AP3S1: variants seen among roughly 807,000 people sequenced by gnomAD.
AP3S1 encodes adaptor related protein complex 3 subunit sigma 1.
A neutral mutation model predicts 21.3 loss-of-function variants in AP3S1; 12 were observed. The observed-to-expected ratio is 0.56, with a 90% confidence interval of 0.36 to 0.91. The LOEUF is 0.91. AP3S1 is among the 40% of genes least tolerant of loss of function. AP3S1 has a pLI of 0.01. For synonymous variants in AP3S1, 48 were observed against 78.4 expected (o/e 0.61, Z 2.05); for missense variants, 116 against 225.0 (o/e 0.52, Z 3.10).
intron 1 of AP3S1, among the ~76,000 whole-genome samples, chr5:115,854,718 C>A (rs1358465297): frequency 1.4e-5 from 2 of 146,558 alleles, no homozygotes; most frequent in Non-Finnish European, 3.0e-5. Context: ...TATTATTATT[C>A]TTCATATATT....
chr5:115,869,500 C>G (rs1748029084), intron 2 of AP3S1, among the ~76,000 whole-genome samples: 1 of 152,148 alleles, frequency 6.6e-6, no homozygotes, highest in Non-Finnish European at 1.5e-5. Context: ...CTTCCCTGAA[C>G]ATACATACTT....
At chr5:115,884,777 A>AT (rs1315011535) in intron 3 of AP3S1, among the ~76,000 whole-genome samples, 4 of 152,214 alleles carry the variant, frequency 2.6e-5, no homozygotes, top group South Asian at 2.1e-4. Flanking sequence ...GTTACTTTAA[A>AT]TTTTTCTGGG....
chr5:115,891,562 T>A (rs1013892109), intron 3 of AP3S1, among the ~76,000 whole-genome samples: 1 of 152,164 alleles, frequency 6.6e-6, no homozygotes, highest in Non-Finnish European at 1.5e-5. Context: ...TTTACCCACT[T>A]ATTATAAAGA....
intron 1 of AP3S1, among the ~76,000 whole-genome samples, chr5:115,855,485 A>G (rs1762740447): frequency 6.6e-6 from 1 of 151,968 alleles, no homozygotes; most frequent in African/African-American, 2.4e-5. Context: ...GACTACAGGC[A>G]TGCATCACCA....
chr5:115,854,450 G>A (rs1380474639), intron 1 of AP3S1, among the ~76,000 whole-genome samples: 1 of 152,104 alleles, frequency 6.6e-6, no homozygotes, highest in East Asian at 1.9e-4. Flanking sequence ...TATTGTAGGT[G>A]CCCCAGTCTC....
chr5:115,891,420 T>G (rs1750290005), intron 3 of AP3S1, among the ~76,000 whole-genome samples: 1 of 152,124 alleles, frequency 6.6e-6, no homozygotes, highest in African/African-American at 2.4e-5. Context: ...TGCCCCCACT[T>G]CAGATGCCAG....
chr5:115,867,005 T>C (rs537554565), intron 2 of AP3S1, among the ~76,000 whole-genome samples: 1 of 152,236 alleles, frequency 6.6e-6, no homozygotes, highest in African/African-American at 2.4e-5. Context: ...TCGTAAAAAT[T>C]CCAACATTAC....
At chr5:115,885,059 A>G (rs1480015481) in intron 3 of AP3S1, among the ~76,000 whole-genome samples, 1 of 152,240 alleles carries the variant, frequency 6.6e-6, no homozygotes, top group Non-Finnish European at 1.5e-5. Context: ...CATGACGGCC[A>G]GCATAATTTA....
intron 3 of AP3S1, among the ~76,000 whole-genome samples, chr5:115,893,875 C>A (rs78297890): frequency 2.6e-4 from 39 of 152,040 alleles, no homozygotes; most frequent in African/African-American, 8.9e-4. Flanking sequence ...TTAATACTAC[C>A]CCATTTAGGA....
chr5:115,862,131 T>C (rs1258626273), intron 1 of AP3S1, among the ~76,000 whole-genome samples: 3 of 152,144 alleles, frequency 2.0e-5, no homozygotes, highest in Non-Finnish European at 4.4e-5. Context: ...ACTTTTCTTA[T>C]TACAAACAGC....
At chr5:115,912,386 A>G (rs1331164863) in intron 5 of AP3S1, among the ~76,000 whole-genome samples, 3 of 152,058 alleles carry the variant, frequency 2.0e-5, no homozygotes, top group African/African-American at 7.2e-5. Flanking sequence ...ATGAAATGTA[A>G]TTGGTATATA....
chr5:115,851,180 C>G (rs752260648), intron 1 of AP3S1, among the ~76,000 whole-genome samples: 1 of 152,122 alleles, frequency 6.6e-6, no homozygotes, highest in Non-Finnish European at 1.5e-5. Context: ...GACTTGCATT[C>G]CTCAGATAAA....
intron 4 of AP3S1, among the ~76,000 whole-genome samples, chr5:115,897,080 C>G (rs1183871927): frequency 6.6e-6 from 1 of 152,086 alleles, no homozygotes; most frequent in South Asian, 2.1e-4. Flanking sequence ...TTAGAAAAAT[C>G]AGAAAATACA....
chr5:115,860,643 C>T (rs1047193754), intron 1 of AP3S1, among the ~76,000 whole-genome samples: 1 of 152,098 alleles, frequency 6.6e-6, no homozygotes, highest in Non-Finnish European at 1.5e-5. Flanking sequence ...TTATGATTTC[C>T]CTCTCACCAA....
At chr5:115,866,994 A>G (rs1158302695) in intron 2 of AP3S1, among the ~76,000 whole-genome samples, 1 of 152,136 alleles carries the variant, frequency 6.6e-6, no homozygotes, top group Non-Finnish European at 1.5e-5. Flanking sequence ...AATATATTAA[A>G]TCGTAAAAAT....
chr5:115,843,649 A>G (rs563500629), intron 1 of AP3S1, among the ~76,000 whole-genome samples: 13 of 152,348 alleles, frequency 8.5e-5, no homozygotes, highest in Middle Eastern at 3.4e-3. Flanking sequence ...CAGTGTAAAA[A>G]AGGTATGTTG....
intron 2 of AP3S1, among the ~76,000 whole-genome samples, chr5:115,868,468 A>C (rs1193074957): frequency 6.6e-6 from 1 of 152,146 alleles, no homozygotes; most frequent in African/African-American, 2.4e-5. Flanking sequence ...CATAGTAGGA[A>C]ATTTTTATTC....
chr5:115,875,465 G>A (rs552397405), intron 3 of AP3S1, among the ~76,000 whole-genome samples: 1 of 152,200 alleles, frequency 6.6e-6, no homozygotes, highest in South Asian at 2.1e-4. Context: ...TGGGGTGACA[G>A]ATACACTGTT....
intron 5 of AP3S1, among the ~76,000 whole-genome samples, chr5:115,909,578 A>G (rs549613437): frequency 2.6e-5 from 4 of 152,174 alleles, no homozygotes; most frequent in African/African-American, 9.6e-5. Flanking sequence ...ATTTGTTTTT[A>G]TTGGTGTAGT....
Sources: allele counts gnomAD v4.1 joint callset (sites outside exome capture counted in the v4.1 genomes callset), GRCh38; gene constraint gnomAD v4.1.1; transcripts MANE v1.5; gene names NCBI Gene and HGNC (gene_info 2026-07-23, HGNC 2026-07-21).